Variants in WDFY4 observed in about 807,000 individuals in gnomAD.
The protein encoded by WDFY4 is WD repeat- and FYVE domain-containing protein 4.
Under a neutral mutation model 351.9 loss-of-function variants are expected in WDFY4, and 169 were observed. The ratio of observed to expected loss-of-function variants is 0.48; its 90% CI spans 0.42 to 0.55. The LOEUF is 0.55. Among genes scored for constraint, WDFY4 ranks in the 20% least tolerant of loss-of-function variants. The pLI is 0.00. For missense variants in WDFY4, 3,803 were observed against 3,935.6 expected (o/e 0.97, Z 0.90); for synonymous variants, 1,622 against 1,574.6 (o/e 1.03, Z -0.71).
In WDFY4 at chr10:48,914,349, A is replaced by G. The variant is rs944199385; in HGVS notation, c.7586+12486A>G. 4.7e-5 allele frequency: 29 copies of G among 617,966 alleles called. 1 individual carries two copies. Among genetic ancestry groups the G allele is most frequent in the Non-Finnish European group, 2.2e-5 (8 of 364,560 alleles). The allele number at this position is 617,966 out of a possible 1,614,324, so 38.3% of individuals were successfully genotyped here. ...AAGCAAGAAAGAGGATTGCGGAGAG[A>G]AGTCAGGGCAAAGTGGACCCAGCCC... On this transcript the variant is annotated intron_variant, in intron 47 of 61. Transcript: ENST00000325239.
chr10:48,849,234 G>A (rs562369037), intron 39 of WDFY4, among the ~76,000 whole-genome samples: 2 of 152,224 alleles, frequency 1.3e-5, no homozygotes, highest in African/African-American at 4.8e-5. Context: ...TAATATATGG[G>A]GTTAAGTTCT....
At chr10:48,741,497 C>T in intron 11 of WDFY4, among the ~76,000 whole-genome samples, 1 of 146,746 alleles carries the variant, frequency 6.8e-6, no homozygotes, top group East Asian at 2.0e-4. Context: ...TCCCAAAGTG[C>T]ATGACTTCAT....
chr10:48,814,970 A>G (rs151020955), intron 31 of WDFY4, among the ~76,000 whole-genome samples: 2 of 152,292 alleles, frequency 1.3e-5, no homozygotes, highest in Non-Finnish European at 2.9e-5. Context: ...CATGGTAATC[A>G]TTTGTATTTG....
rs574862787 is a variant in WDFY4 at position 48,840,471 on chromosome 10, A to C, written c.6663+7762A>C. ...ACCTCTCTCACGCACACACACACAC[A>C]CCCCCACTCTCTTTCTCTCTCTCTC... is the stretch of plus-strand genomic sequence containing the variant. On this transcript the variant is annotated intron_variant, in intron 39 of 61. Coordinates refer to ENST00000325239, the MANE Select transcript of WDFY4 (RefSeq NM_001394531.1). 9.4e-5 allele frequency among the ~76,000 whole-genome samples: 14 copies of C among 149,442 alleles called. No individual in the cohort carries two copies. In the East Asian group the frequency reaches 9.8e-4, roughly 10 times the overall value.
intron 47 of WDFY4, among the ~76,000 whole-genome samples, chr10:48,911,365 G>A (rs1366779604): frequency 6.6e-6 from 1 of 152,116 alleles, no homozygotes; most frequent in African/African-American, 2.4e-5. Context: ...CTACTTGATG[G>A]CATGTATCAA....
intron 7 of WDFY4, among the ~76,000 whole-genome samples, 161 bp downstream of exon 7, chr10:48,727,820 G>A (rs997442655): frequency 6.6e-6 from 1 of 152,220 alleles, no homozygotes. Context: ...CAGGCATGGG[G>A]ACCACTTCCT....
chr10:48,913,236 T>C (rs1564476312), intron 47 of WDFY4, among the ~76,000 whole-genome samples: 1 of 152,090 alleles, frequency 6.6e-6, no homozygotes, highest in East Asian at 1.9e-4. Context: ...ATCAACACAA[T>C]CACACGCCGA....
chr10:48,699,739 T>C (rs985437743), intron 1 of WDFY4, among the ~76,000 whole-genome samples: 1 of 152,204 alleles, frequency 6.6e-6, no homozygotes, highest in Non-Finnish European at 1.5e-5. Flanking sequence ...CCTCTCACAC[T>C]GTGCTTTTTG....
rs532072851 is a variant in WDFY4 at position 48,775,161 on chromosome 10, G to C, written c.2768+489G>C. ...CACATTCCTGGAGAGCCATGGCAGGGAGAGAAAGTGCAAAGGTGCACAGGG... is the reference window on the plus strand; with the variant it reads ...CACATTCCTGGAGAGCCATGGCAGGCAGAGAAAGTGCAAAGGTGCACAGGG... On this transcript the variant is annotated intron_variant, in intron 14 of 61. Transcript: ENST00000325239. Among the ~76,000 whole-genome samples the C allele has an allele frequency of 4.6e-5, 7 of 152,352 alleles. No individual in the cohort carries two copies. The East Asian group carries it at 5.8e-4, about 13-fold the overall frequency.
chr10:48,695,799 G>A (rs1033076072), intron 1 of WDFY4, among the ~76,000 whole-genome samples: 5 of 151,864 alleles, frequency 3.3e-5, no homozygotes, highest in Non-Finnish European at 5.9e-5. Context: ...CAAACTGTAG[G>A]GGTCCAGCCA....
intron 33 of WDFY4, 78 bp downstream of exon 33, chr10:48,820,515 C>G (rs1244807660): frequency 2.0e-6 from 3 of 1,464,052 alleles, no homozygotes. Flanking sequence ...CAGGATGCAC[C>G]CAGGGAGACA....
intron 24 of WDFY4, among the ~76,000 whole-genome samples, chr10:48,798,064 TAG>T (rs1332959818): frequency 6.6e-6 from 1 of 152,068 alleles, no homozygotes; most frequent in Non-Finnish European, 1.5e-5. Flanking sequence ...AGAAGTGACT[TAG>T]AGACACATGA....
intron 11 of WDFY4, 25 bp downstream of exon 11, chr10:48,736,095 T>A (rs780759660): frequency 1.3e-6 from 2 of 1,551,466 alleles, no homozygotes; most frequent in Non-Finnish European, 1.7e-6. Flanking sequence ...TCCTTTGAGA[T>A]TGGCTTCCCT....
Position 48,982,545 on chromosome 10 carries a change from G to C in WDFY4, c.9525G>C (p.Gly3175=). The change falls in exon 62 of 62, where the codon GGG becomes GGC. Residue 3175 remains glycine, a synonymous_variant. Coordinates refer to ENST00000325239, the MANE Select transcript of WDFY4 (RefSeq NM_001394531.1). Reference sequence around the variant, plus strand: ...AACTCCTGGTTGGTGATGAGAGGGGGAGAATATTCTGCTGGTCTGCAGATG... The same window carrying C: ...AACTCCTGGTTGGTGATGAGAGGGGCAGAATATTCTGCTGGTCTGCAGATG... ...HTKLLVGDER[G]RIFCWSADG 1 of 1,541,130 alleles carries C rather than the reference G, an allele frequency of 6.5e-7. No homozygotes were observed. The highest frequency in any genetic ancestry group is 1.2e-5 in the South Asian group (1 of 83,548).
In WDFY4 at chr10:48,760,358, G is replaced by A. The variant is rs1589539090; in HGVS notation, c.2471G>A (p.Gly824Glu). 6 of 1,551,482 alleles carry A rather than the reference G, an allele frequency of 3.9e-6. No individual in the cohort carries two copies. Among genetic ancestry groups the A allele is most frequent in the African/African-American group, 1.4e-5 (1 of 73,034 alleles). The change falls in exon 13 of 62, where the codon GGA becomes GAA. Residue 824 changes from glycine (G) to glutamate (E), a missense_variant. Transcript: ENST00000325239. ...WPDLEERMDE[G>E]DAAIMHPGVV... ...CCCTCTCTCTGCAGGATGGATGAGG[G>A]AGATGCTGCAATCATGCATCCCGGG...
rs577685927 is a variant in WDFY4 at position 48,927,449 on chromosome 10, C to T, written c.7587-14357C>T. 4.6e-5 allele frequency among the ~76,000 whole-genome samples: 7 copies of T among 152,240 alleles called. No homozygotes were observed. The South Asian group carries it at 8.3e-4, about 18-fold the overall frequency. On this transcript the variant is annotated intron_variant, in intron 47 of 61. Coordinates refer to ENST00000325239, the MANE Select transcript of WDFY4 (RefSeq NM_001394531.1). Reference sequence around the variant, plus strand: ...CTTATTCCAGCACTTCTGTGGGATGCGTTCTTCCCATTACGTCAAAACTTC... The same window carrying T: ...CTTATTCCAGCACTTCTGTGGGATGTGTTCTTCCCATTACGTCAAAACTTC...
At chr10:48,808,055 C>A in intron 28 of WDFY4, 97 bp downstream of exon 28, 3 of 1,001,912 alleles carry the variant, frequency 3.0e-6, no homozygotes, top group South Asian at 4.1e-5. Context: ...ATCTCTGAGT[C>A]TGTTTTCTGC....
chr10:48,840,020 C>T (rs373555896), intron 39 of WDFY4, among the ~76,000 whole-genome samples: 8 of 152,306 alleles, frequency 5.3e-5, no homozygotes, highest in African/African-American at 1.9e-4. Context: ...AGCTCTTCAT[C>T]GTACTGTCTG....
In WDFY4 at chr10:48,727,412, G is replaced by A. The variant is rs925011939; in HGVS notation, c.782-58G>A. 4 of 1,504,834 alleles carry A rather than the reference G, an allele frequency of 2.7e-6. No homozygotes were observed. The African/African-American group carries it at 4.2e-5, about 16-fold the overall frequency. The allele number at this position is 1,504,834 out of a possible 1,614,324, so 93.2% of individuals were successfully genotyped here. On this transcript the variant is annotated intron_variant, in intron 6 of 61. Transcript: ENST00000325239. ...GGAGTAGGGGAGGTAGGTGGACCAT[G>A]GCAGGAAAGCTCTTGCTTCCAAGCT...
Sources: allele counts gnomAD v4.1 joint callset (sites outside exome capture counted in the v4.1 genomes callset), GRCh38; gene constraint gnomAD v4.1.1; transcripts MANE v1.5; gene names NCBI Gene and HGNC (gene_info 2026-07-23, HGNC 2026-07-21).